NID1: variants seen among roughly 807,000 people sequenced by gnomAD.
The protein encoded by NID1 is nidogen 1, also known as nidogen-1.
A neutral mutation model predicts 130.6 loss-of-function variants in NID1; 76 were observed. The observed-to-expected ratio is 0.58, with a 90% CI of 0.48 to 0.70. The LOEUF (loss-of-function observed/expected upper bound fraction) is 0.70, where lower values mean the gene tolerates loss of function less well. Among genes scored for constraint, NID1 ranks in the 30% least tolerant of loss-of-function variants. The pLI is 0.00. For synonymous variants in NID1, 665 were observed against 675.1 expected, an observed-to-expected ratio of 0.98 and a Z score of 0.23; for missense variants, 1,517 against 1,664.8, an observed-to-expected ratio of 0.91 and a Z score of 1.54.
At chr1:235,983,749 A>G (rs1657500571) in intron 15 of NID1, among the ~76,000 whole-genome samples, 1 of 152,220 alleles carries the variant, frequency 6.6e-6, no homozygotes, top group Non-Finnish European at 1.5e-5. Flanking sequence ...GGATAATCTT[A>G]TCCTTCAATG....
In NID1 at chr1:235,979,678, T is replaced by G; in HGVS notation, c.3509+144A>C. 4 of 798,528 alleles carry G rather than the reference T, an allele frequency of 5.0e-6. No individual in the cohort carries two copies. The highest frequency in any genetic ancestry group is 5.6e-5 in the East Asian group (2 of 35,716). The allele number at this position is 798,528 out of a possible 1,614,324, so 49.5% of individuals were successfully genotyped here. On this transcript the variant is annotated intron_variant, in intron 18 of 19. Transcript: ENST00000264187. The surrounding 1 kb of genome is among the most constrained non-coding windows in gnomAD (Gnocchi z 4.6). ...TCTTGGCTCCTGACAACCAGAAGGA[T>G]AAGGGAGAGGGGACATCTCTAGAGG...
At chr1:236,003,884 A>G (rs534789016) in intron 12 of NID1, among the ~76,000 whole-genome samples, 28 of 151,404 alleles carry the variant, frequency 1.8e-4, no homozygotes, top group African/African-American at 5.6e-4. Context: ...AACAACAACA[A>G]TAGCCAAGCG....
At chr1:236,037,649 C>T (rs1328664663) in intron 5 of NID1, among the ~76,000 whole-genome samples, 1 of 137,454 alleles carries the variant, frequency 7.3e-6, no homozygotes, top group African/African-American at 2.9e-5. Flanking sequence ...CAGAGTAAGA[C>T]TCTGTCTCAA....
At chr1:236,013,022 A>G (rs1318108321) in intron 11 of NID1, among the ~76,000 whole-genome samples, 1 of 152,244 alleles carries the variant, frequency 6.6e-6, no homozygotes, top group Non-Finnish European at 1.5e-5. Context: ...AGGTTAGAAC[A>G]AGCCAGTTGA....
chr1:235,993,233 A>G (rs1657810249), intron 13 of NID1, among the ~76,000 whole-genome samples: 1 of 152,204 alleles, frequency 6.6e-6, no homozygotes, highest in Non-Finnish European at 1.5e-5. Context: ...GGAAGGGTTC[A>G]GGTTGGTCCC....
intron 14 of NID1, among the ~76,000 whole-genome samples, chr1:235,988,712 G>A (rs1434119638): frequency 6.6e-6 from 1 of 152,184 alleles, no homozygotes; most frequent in Non-Finnish European, 1.5e-5. Flanking sequence ...TATGACACAT[G>A]CTACAATGTG....
rs1270704918 is a variant in NID1 at position 236,001,725 on chromosome 1, C to A, written c.2528-7853G>T. ...TGGCCAGGGAGGGGCACTGAACTCGCAGTTAGGAAAAGGCAAACAAAGAAG... is the reference window on the plus strand; with the variant it reads ...TGGCCAGGGAGGGGCACTGAACTCGAAGTTAGGAAAAGGCAAACAAAGAAG... On this transcript the variant is annotated intron_variant, in intron 12 of 19. Coordinates refer to ENST00000264187, the MANE Select transcript of NID1 (RefSeq NM_002508.3). Among the ~76,000 whole-genome samples, 8 of 152,296 alleles carry A rather than the reference C, an allele frequency of 5.3e-5. 2 individuals are homozygous for A. The highest frequency in any genetic ancestry group is 5.2e-4 in the Admixed American group (8 of 15,296).
At chr1:235,981,246 G>A (rs777362829) in intron 16 of NID1, among the ~76,000 whole-genome samples, 2 of 152,166 alleles carry the variant, frequency 1.3e-5, no homozygotes, top group Non-Finnish European at 1.5e-5. Flanking sequence ...GTTCAGTCTG[G>A]GTCTGCCCCT....
chr1:235,991,144 C>T (rs533454229), intron 13 of NID1, 86 bp from the exon 14 acceptor site: 149 of 1,139,438 alleles, frequency 1.3e-4, no homozygotes, highest in Non-Finnish European at 1.4e-4. Context: ...CACACATGCA[C>T]GCATGCACAC....
At chr1:236,018,147 C>T (rs1658656290) in intron 9 of NID1, among the ~76,000 whole-genome samples, 1 of 152,146 alleles carries the variant, frequency 6.6e-6, no homozygotes, top group East Asian at 1.9e-4. Context: ...GACAATACTA[C>T]AGCCACCATC....
At chr1:236,015,150 G>A (rs1377165768) in intron 10 of NID1, among the ~76,000 whole-genome samples, 1 of 152,166 alleles carries the variant, frequency 6.6e-6, no homozygotes, top group Non-Finnish European at 1.5e-5. Context: ...GACCTGCAGG[G>A]TAACCTTCCC....
In NID1 at chr1:236,041,973, C is replaced by T; in HGVS notation, c.1072G>A (p.Glu358Lys). The change falls in exon 4 of 20, where the codon GAG becomes AAG. Residue 358 changes from glutamate to lysine, a missense_variant. Physicochemically the swap from Glu to Lys is moderately conservative, Grantham distance 56 (BLOSUM62 1). Transcript: ENST00000264187. ...TGAGGGTGCTGCTGGTGAAAAGTCT[C>T]CACTGCCAACTGGAAAGACCTGGTT... ...ERTRSFQLAV[E>K]TFHQQHPQVI... The T allele has an allele frequency of 3.1e-6, 5 of 1,614,108 alleles. No individual in the cohort carries two copies. The highest frequency in any genetic ancestry group is 4.2e-6 in the Non-Finnish European group (5 of 1,180,002).
intron 9 of NID1, among the ~76,000 whole-genome samples, chr1:236,023,056 C>T (rs1658810910): frequency 2.4e-5 from 2 of 84,202 alleles, no homozygotes; most frequent in Admixed American, 1.2e-4. Context: ...AAGACGCCAT[C>T]TCAAAAAAAA....
chr1:236,041,241 T>A (rs141094220), intron 4 of NID1, among the ~76,000 whole-genome samples: 3 of 151,984 alleles, frequency 2.0e-5, no homozygotes, highest in Non-Finnish European at 4.4e-5. Flanking sequence ...CTAATTTTTG[T>A]ATTTTTAGTA....
In NID1 at chr1:236,052,074, C is replaced by A. The variant is rs111692417; in HGVS notation, c.226-3085G>T. Reference sequence around the variant, plus strand: ...CGTCTGTGATAATGAAGAAGGATGACTTCAAAGATAAATGTAATGTGCAGA... The same window carrying A: ...CGTCTGTGATAATGAAGAAGGATGAATTCAAAGATAAATGTAATGTGCAGA... On this transcript the variant is annotated intron_variant, in intron 1 of 19. Transcript: ENST00000264187. Among the ~76,000 whole-genome samples, 724 of 152,272 alleles carry A rather than the reference C, an allele frequency of 4.8e-3. 6 individuals are homozygous for A. Among genetic ancestry groups the A allele is most frequent in the Middle Eastern group, 0.017 (5 of 294 alleles).
intron 6 of NID1, 62 bp from the exon 7 acceptor site, chr1:236,029,812 A>C: frequency 1.3e-6 from 2 of 1,546,610 alleles, no homozygotes; most frequent in Non-Finnish European, 1.8e-6. Flanking sequence ...TGCCCGCCCC[A>C]GGCTCACAGT....
intron 15 of NID1, among the ~76,000 whole-genome samples, chr1:235,983,474 G>A (rs1256867020): frequency 6.6e-6 from 1 of 152,166 alleles, no homozygotes; most frequent in Non-Finnish European, 1.5e-5. Context: ...GATAGAAACA[G>A]AATAAGTCAT....
chr1:236,022,340 ATTTTT>A (rs112406762), intron 9 of NID1, among the ~76,000 whole-genome samples: 1 of 137,250 alleles, frequency 7.3e-6, no homozygotes, highest in Admixed American at 7.4e-5. Flanking sequence ...GATGGCCCCT[ATTTTT>A]TTTTTTTTTG....
rs1185970869 is a variant in NID1, at chr1:235,993,924, G to T, written c.2528-52C>A. ...GCTGTCAGGTGCGTCATCCGTCAGC[G>T]CTCCCTGGCGGGGCTGCAGGAGTCC... On this transcript the variant is annotated intron_variant, in intron 12 of 19. Coordinates refer to ENST00000264187, the MANE Select transcript of NID1 (RefSeq NM_002508.3). 4 of 1,540,146 alleles carry T rather than the reference G, an allele frequency of 2.6e-6. No homozygotes were observed. The East Asian group carries it at 7.1e-5, about 27-fold the overall frequency.
Sources: gnomAD v4.1 joint callset for allele counts (sites outside exome capture counted in the v4.1 genomes callset) on GRCh38, gnomAD v4.1.1 for gene constraint, Gnocchi (gnomAD v3.1) non-coding constraint, MANE v1.5 for transcripts, NCBI Gene and HGNC (gene_info 2026-07-23, HGNC 2026-07-21) for gene names.